The following STAT4 variants were observed in gnomAD, a reference collection of about 807,000 sequenced individuals.
STAT4 encodes the protein signal transducer and activator of transcription 4.
A neutral mutation model predicts 110.5 loss-of-function variants in STAT4; 42 were observed. The ratio of observed to expected loss-of-function variants is 0.38; its 90% CI spans 0.30 to 0.49. The LOEUF (loss-of-function observed/expected upper bound fraction) is 0.49. Among genes scored for constraint, STAT4 ranks in the 20% least tolerant of loss-of-function variants. The pLI, the probability that STAT4 is intolerant of heterozygous loss-of-function variation, is 0.95. For missense variants in STAT4, 632 were observed against 887.9 expected, an observed-to-expected ratio of 0.71 and a Z score of 3.66; for synonymous variants, 284 against 302.2, an observed-to-expected ratio of 0.94 and a Z score of 0.63.
Position 191,060,943 on chromosome 2 carries a change from C to T in STAT4, c.1034+786G>A, listed in dbSNP as rs1162383646. ...GCTCTGTACCATGGCATCACCACCT[C>T]TTGACCTGTTAGTCTGTGGTTTCAG... On this transcript the variant is annotated intron_variant, in intron 10 of 23. Coordinates refer to ENST00000392320, the MANE Select transcript of STAT4 (RefSeq NM_003151.4). The surrounding 1 kb of genome is among the most constrained non-coding windows in gnomAD (Gnocchi z 4.5). Among the ~76,000 whole-genome samples the T allele has an allele frequency of 2.0e-5, 3 of 152,178 alleles. No homozygotes were observed. The highest frequency in any genetic ancestry group is 4.4e-5 in the Non-Finnish European group (3 of 68,028).
chr2:191,114,666 G>A (rs770947016), intron 3 of STAT4, among the ~76,000 whole-genome samples: 2 of 152,142 alleles, frequency 1.3e-5, no homozygotes, highest in Non-Finnish European at 2.9e-5. Flanking sequence ...CGTCACTTTT[G>A]TCTATAATCA....
chr2:191,036,022 G>T (rs2125149999), intron 17 of STAT4, 142 bp downstream of exon 17: 1 of 1,045,864 alleles, frequency 9.6e-7, no homozygotes, highest in Non-Finnish European at 1.3e-6. Context: ...ATAACACTTA[G>T]TTCTGTGCCT....
At position 191,142,385 on chromosome 2, in the gene STAT4, C is replaced by T. The variant is rs1699359314; in HGVS notation, c.273+4228G>A. Among the ~76,000 whole-genome samples, 1 of 151,962 alleles carries T rather than the reference C, an allele frequency of 6.6e-6. No individual in the cohort carries two copies. Among genetic ancestry groups the T allele is most frequent in the Non-Finnish European group, 1.5e-5 (1 of 68,010 alleles). On this transcript the variant is annotated intron_variant, in intron 3 of 23. Coordinates refer to ENST00000392320, the MANE Select transcript of STAT4 (RefSeq NM_003151.4). The surrounding 1 kb of genome is among the most constrained non-coding windows in gnomAD (Gnocchi z 4.1). ...GAAAGACAAATATCGCATGTTCTCACTCATATGTGGGAGCTAAAGAAGTGG... is the reference window on the plus strand; with the variant it reads ...GAAAGACAAATATCGCATGTTCTCATTCATATGTGGGAGCTAAAGAAGTGG...
intron 5 of STAT4, among the ~76,000 whole-genome samples, chr2:191,070,143 A>G (rs1697101792): frequency 6.6e-6 from 1 of 152,182 alleles, no homozygotes. Context: ...TAATGTATCA[A>G]TGATCACTTT....
intron 3 of STAT4, among the ~76,000 whole-genome samples, chr2:191,125,197 A>G (rs528409287): frequency 3.9e-5 from 6 of 152,328 alleles, no homozygotes; most frequent in African/African-American, 1.4e-4. Context: ...GGTACAGATT[A>G]TCTTCCCATT....
chr2:191,080,519 T>C (rs1697433293), intron 3 of STAT4, among the ~76,000 whole-genome samples: 1 of 152,168 alleles, frequency 6.6e-6, no homozygotes, highest in Admixed American at 6.6e-5. Context: ...ATGCTGGCAC[T>C]TTCTTGATCT....
intron 5 of STAT4, among the ~76,000 whole-genome samples, chr2:191,072,534 T>C (rs1697195437): frequency 1.3e-5 from 2 of 152,234 alleles, no homozygotes; most frequent in Non-Finnish European, 2.9e-5. Context: ...TATAGTTTAT[T>C]TTGATGGAAT....
chr2:191,047,317 C>G (rs1205306711), intron 14 of STAT4, among the ~76,000 whole-genome samples: 1 of 152,180 alleles, frequency 6.6e-6, no homozygotes, highest in Non-Finnish European at 1.5e-5. Context: ...GTTTTGTGAA[C>G]TGCTTTAGCA....
At chr2:191,072,126 G>A (rs144016229) in intron 5 of STAT4, among the ~76,000 whole-genome samples, 42 of 152,242 alleles carry the variant, frequency 2.8e-4, no homozygotes, top group African/African-American at 1.0e-3. Flanking sequence ...CTGCTCGGGG[G>A]TCCAAAAAAT....
chr2:191,036,912 C>A (rs1696062265), intron 16 of STAT4, among the ~76,000 whole-genome samples: 1 of 152,138 alleles, frequency 6.6e-6, no homozygotes, highest in Admixed American at 6.5e-5. Context: ...CATAAAATAT[C>A]ATCTCATCTC....
At chr2:191,100,494 A>G (rs1248242868) in intron 3 of STAT4, among the ~76,000 whole-genome samples, 1 of 152,184 alleles carries the variant, frequency 6.6e-6, no homozygotes, top group Non-Finnish European at 1.5e-5. Context: ...TCATGTTTAT[A>G]TTTAAAATGA....
chr2:191,036,194 G>T lies in STAT4; in HGVS notation c.1540C>A (p.Gln514Lys). 1 of 1,614,118 alleles carries T rather than the reference G, an allele frequency of 6.2e-7. No individual in the cohort carries two copies. The highest frequency in any genetic ancestry group is 8.5e-7 in the Non-Finnish European group (1 of 1,180,018). ...AGCTTCTCTGCCAGCATATGGAGTTGATCTGAGTTAAGACCACGACCAACG... is the reference window on the plus strand; with the variant it reads ...AGCTTCTCTGCCAGCATATGGAGTTTATCTGAGTTAAGACCACGACCAACG... ...SYVGRGLNSD[Q>K]LHMLAEKLTV... The change falls in exon 17 of 24, where the codon CAA (glutamine) becomes AAA (lysine). Residue 514 changes from glutamine (Q) to lysine (K), a missense_variant. Coordinates refer to ENST00000392320, the MANE Select transcript of STAT4 (RefSeq NM_003151.4).
chr2:191,089,643 T>C (rs957690695), intron 3 of STAT4, among the ~76,000 whole-genome samples: 14 of 152,186 alleles, frequency 9.2e-5, no homozygotes, highest in Non-Finnish European at 1.8e-4. Flanking sequence ...ATTGCTGAAA[T>C]TTGAAGCAAC....
chr2:191,038,044 CAGA>C (rs1224544417), intron 16 of STAT4, among the ~76,000 whole-genome samples: 1 of 152,158 alleles, frequency 6.6e-6, no homozygotes, highest in African/African-American at 2.4e-5. Flanking sequence ...GCCTTTCTTA[CAGA>C]AGGAGGTTGC....
rs1359720594 is a variant in STAT4 at position 191,060,697 on chromosome 2, G to A, written c.1034+1032C>T. Among the ~76,000 whole-genome samples the A allele has an allele frequency of 1.3e-5, 2 of 152,208 alleles. No individual in the cohort carries two copies. Among genetic ancestry groups the A allele is most frequent in the East Asian group, 3.8e-4 (2 of 5,202 alleles). On this transcript the variant is annotated intron_variant, in intron 10 of 23. Coordinates refer to ENST00000392320, the MANE Select transcript of STAT4 (RefSeq NM_003151.4). The surrounding 1 kb of genome is among the most constrained non-coding windows in gnomAD (Gnocchi z 4.5). ...GGCTCCCAAAGTGCTGGGATTATAG[G>A]CGTGAGCCACCATGCCTGGCCAACA...
chr2:191,130,816 T>C (rs1699015540), intron 3 of STAT4, among the ~76,000 whole-genome samples: 1 of 151,714 alleles, frequency 6.6e-6, no homozygotes, highest in Non-Finnish European at 1.5e-5. Flanking sequence ...AGTGGAATGG[T>C]TTTTTAATTT....
At position 191,064,809 on chromosome 2, in the gene STAT4, G is replaced by A. The variant is rs747018092; in HGVS notation, c.780C>T (p.Asn260=). 25 of 1,609,822 alleles carry A rather than the reference G, an allele frequency of 1.6e-5. 1 individual carries two copies. The South Asian group carries it at 2.7e-4, about 17-fold the overall frequency. ...PLHNGLDQLQ[N]CFTLLAESLF... is the part of the protein sequence containing the mutation. ...AAACTGCAGTCGATTCGTTTTACCA[G>A]TTCTGAAGCTGGTCGAGCCCATTGT... is the stretch of plus-strand genomic sequence containing the variant. Residue 260 remains asparagine (N), a splice_region_variant and synonymous_variant, in exon 8 of 24, where the codon AAC becomes AAT. Transcript: ENST00000392320.
At chr2:191,129,366 A>T (rs1698968516) in intron 3 of STAT4, among the ~76,000 whole-genome samples, 1 of 152,078 alleles carries the variant, frequency 6.6e-6, no homozygotes, top group African/African-American at 2.4e-5. Flanking sequence ...AGGTGGGAGG[A>T]TCACTTGGGC....
At position 191,150,826 on chromosome 2, in the gene STAT4, AG is replaced by A. The variant is rs1699576460; in HGVS notation, c.-2+120del. On this transcript the variant is annotated intron_variant, in intron 1 of 23. Coordinates refer to ENST00000392320, the MANE Select transcript of STAT4 (RefSeq NM_003151.4). This position sits in a 1 kb window ranked among gnomAD's most constrained non-coding sequence, Gnocchi z 6.4. Reference sequence around the variant, plus strand: ...GCTTCCTTCTATAATAAGCCTCCTCAGGAAGGTTAAAATGAAGCAATTGTCA... The same window carrying A: ...GCTTCCTTCTATAATAAGCCTCCTCAGAAGGTTAAAATGAAGCAATTGTCA... 7.2e-6 allele frequency: 6 copies of A among 832,624 alleles called. No individual in the cohort carries two copies. Among genetic ancestry groups the A allele is most frequent in the Non-Finnish European group, 8.7e-6 (6 of 690,598 alleles). The allele number at this position is 832,624 out of a possible 1,614,324, so 51.6% of individuals were successfully genotyped here.
Sources: gnomAD v4.1 joint callset for allele counts (sites outside exome capture counted in the v4.1 genomes callset) on GRCh38, gnomAD v4.1.1 for gene constraint, Gnocchi (gnomAD v3.1) non-coding constraint, MANE v1.5 for transcripts, NCBI Gene and HGNC (gene_info 2026-07-23, HGNC 2026-07-21) for gene names.